Variants in ARMC2 observed in about 807,000 individuals in gnomAD.
The protein encoded by ARMC2 is armadillo repeat containing 2, also known as armadillo repeat-containing protein 2.
Under a neutral mutation model 90.3 loss-of-function variants are expected in ARMC2, and 67 were observed. The observed-to-expected ratio is 0.74, with a 90% confidence interval of 0.61 to 0.91. ARMC2 has a LOEUF of 0.91. Among genes scored for constraint, ARMC2 ranks in the 40% least tolerant of loss-of-function variants. The pLI is 0.00. For synonymous variants in ARMC2, 393 were observed against 393.0 expected, an observed-to-expected ratio of 1.00 and a Z score of 0.00; for missense variants, 920 against 1,030.9, an observed-to-expected ratio of 0.89 and a Z score of 1.47.
chr6:109,038,245 C>G, the ARMC2 span, among the ~76,000 whole-genome samples: 1 of 152,352 alleles, frequency 6.6e-6, no homozygotes, highest in Admixed American at 6.5e-5. Flanking sequence ...ATAATCCCAG[C>G]ACTTTGAGAG....
chr6:108,997,113 A>G, the ARMC2 span, among the ~76,000 whole-genome samples: 3 of 150,768 alleles, frequency 2.0e-5, no homozygotes, highest in Non-Finnish European at 4.5e-5. Flanking sequence ...CTAAAGAACA[A>G]GCCATATCAG....
chr6:108,890,189 C>CAAAAAAAAAAAAAAAAA (rs869186045), intron 5 of ARMC2, among the ~76,000 whole-genome samples: 7 of 64,250 alleles, frequency 1.1e-4, no homozygotes, highest in Admixed American at 1.7e-4. Context: ...GACTCCGTCT[C>CAAAAAAAAAAAAAAAAA]AAAAAAAAAA....
the ARMC2 span, among the ~76,000 whole-genome samples, chr6:109,038,826 T>C: frequency 2.7e-5 from 4 of 149,896 alleles, no homozygotes; most frequent in East Asian, 2.0e-4. Flanking sequence ...CTGACGGCAA[T>C]TGGGGCAGAA....
intron 5 of ARMC2, among the ~76,000 whole-genome samples, chr6:108,888,403 C>T (rs1331924165): frequency 1.3e-5 from 2 of 152,172 alleles, no homozygotes; most frequent in Non-Finnish European, 1.5e-5. Flanking sequence ...CCCGAGGTCA[C>T]ACGGCTGTAA....
chr6:108,953,571 T>C (rs1229525066), intron 13 of ARMC2, among the ~76,000 whole-genome samples: 1 of 152,238 alleles, frequency 6.6e-6, no homozygotes, highest in Non-Finnish European at 1.5e-5. Context: ...ATAGAGATTA[T>C]TACTAAAACC....
At chr6:108,873,290 C>T (rs367710491) in intron 4 of ARMC2, among the ~76,000 whole-genome samples, 5 of 151,904 alleles carry the variant, frequency 3.3e-5, no homozygotes, top group East Asian at 1.9e-4. Flanking sequence ...GCAGGCTATA[C>T]GAAAATGAGA....
the ARMC2 span, among the ~76,000 whole-genome samples, chr6:109,004,708 T>C: frequency 7.9e-5 from 12 of 152,286 alleles, 1 homozygote; most frequent in Middle Eastern, 3.4e-3. Context: ...GGATTACAGG[T>C]GTGAGCCACC....
intron 7 of ARMC2, 76 bp from the exon 8 acceptor site, chr6:108,904,154 A>G (rs1349948232): frequency 6.0e-6 from 9 of 1,500,586 alleles, no homozygotes; most frequent in Admixed American, 4.3e-5. Context: ...GTTTTTACTT[A>G]CACTGTCTGT....
the ARMC2 span, among the ~76,000 whole-genome samples, chr6:109,011,630 TTC>T: frequency 3.5e-4 from 52 of 149,634 alleles, no homozygotes; most frequent in East Asian, 8.1e-3. Flanking sequence ...AAAATTTTTT[TTC>T]TTTTTTTTTT....
At chr6:108,981,753 C>T in the ARMC2 span, among the ~76,000 whole-genome samples, 102 of 152,012 alleles carry the variant, frequency 6.7e-4, no homozygotes, top group African/African-American at 2.0e-3. Context: ...CTGCAACCTC[C>T]GCTTCCCGGG....
chr6:108,903,072 G>A (rs1772314900), intron 7 of ARMC2, among the ~76,000 whole-genome samples: 1 of 152,140 alleles, frequency 6.6e-6, no homozygotes, highest in South Asian at 2.1e-4. Context: ...GGAGGCTGAG[G>A]CAGGAGGATT....
At chr6:108,982,523 ATTT>A in the ARMC2 span, among the ~76,000 whole-genome samples, 1 of 152,136 alleles carries the variant, frequency 6.6e-6, no homozygotes, top group Non-Finnish European at 1.5e-5. Flanking sequence ...TGGGAATTCT[ATTT>A]TTAACTTTTT....
the ARMC2 span, chr6:108,992,863 C>G: frequency 6.2e-7 from 1 of 1,613,190 alleles, no homozygotes; most frequent in Non-Finnish European, 8.5e-7. Context: ...CTCAAAATGA[C>G]GAGATACAGC....
At chr6:108,919,199 G>A (rs1237723344) in intron 10 of ARMC2, among the ~76,000 whole-genome samples, 1 of 152,114 alleles carries the variant, frequency 6.6e-6, no homozygotes, top group Non-Finnish European at 1.5e-5. Context: ...TAGTAATGAA[G>A]GTTGTACCAG....
intron 1 of ARMC2, among the ~76,000 whole-genome samples, chr6:108,850,179 A>G (rs1773861404): frequency 1.3e-5 from 2 of 152,220 alleles, no homozygotes; most frequent in South Asian, 4.1e-4. Flanking sequence ...TCTTGTTGAA[A>G]AAAAAGTTCT....
At chr6:109,000,938 TAAG>T in the ARMC2 span, among the ~76,000 whole-genome samples, 1 of 152,132 alleles carries the variant, frequency 6.6e-6, no homozygotes, top group South Asian at 2.1e-4. Context: ...AACTTCAGAT[TAAG>T]AAGAAACTTC....
At chr6:108,997,806 AC>A in the ARMC2 span, among the ~76,000 whole-genome samples, 2 of 152,178 alleles carry the variant, frequency 1.3e-5, no homozygotes, top group South Asian at 2.1e-4. Flanking sequence ...CATAAAATAA[AC>A]CCTTGCTTTT....
intron 12 of ARMC2, among the ~76,000 whole-genome samples, chr6:108,948,619 T>C (rs2128501387): frequency 6.6e-6 from 1 of 150,792 alleles, no homozygotes; most frequent in Admixed American, 6.7e-5. Context: ...TCCTTTTCCA[T>C]CTGAAGCAGG....
At chr6:108,990,376 C>G in the ARMC2 span, among the ~76,000 whole-genome samples, 1 of 152,200 alleles carries the variant, frequency 6.6e-6, no homozygotes, top group Non-Finnish European at 1.5e-5. Context: ...TGTTCTAGGA[C>G]CAGCTTGCTT....
Sources: gnomAD v4.1 joint callset for allele counts (sites outside exome capture counted in the v4.1 genomes callset) on GRCh38, gnomAD v4.1.1 for gene constraint, MANE v1.5 for transcripts, NCBI Gene and HGNC (gene_info 2026-07-23, HGNC 2026-07-21) for gene names.